The following FKTN variants were observed in gnomAD, a reference collection of about 807,000 sequenced individuals.
FKTN encodes ribitol-5-phosphate transferase FKTN.
Under a neutral mutation model 58.6 loss-of-function variants are expected in FKTN, and 47 were observed. The observed-to-expected ratio is 0.80, with a 90% CI of 0.63 to 1.02. The LOEUF is 1.02. Among genes scored for constraint, FKTN ranks in the 50% least tolerant of loss-of-function variants. FKTN has a pLI of 0.00. For missense variants in FKTN, 516 were observed against 537.3 expected (o/e 0.96, Z 0.39); for synonymous variants, 178 against 191.9 (o/e 0.93, Z 0.60).
intron 1 of FKTN, among the ~76,000 whole-genome samples, chr9:105,563,753 A>G (rs558673539): frequency 1.3e-5 from 2 of 152,336 alleles, no homozygotes; most frequent in South Asian, 4.1e-4. Flanking sequence ...AAAAGGCAGC[A>G]GAAACCTCTG....
chr9:105,633,402 C>A (rs773594520), intron 10 of FKTN: 1 of 152,250 alleles, frequency 6.6e-6, no homozygotes, highest in South Asian at 2.1e-4. Context: ...AGTTTCCTGG[C>A]CTGTATTACA....
At chr9:105,624,636 A>G (rs1465923582) in intron 10 of FKTN, among the ~76,000 whole-genome samples, 2 of 151,854 alleles carry the variant, frequency 1.3e-5, no homozygotes, top group African/African-American at 2.4e-5. Context: ...AAAAAAAAAA[A>G]AAAAAGAAAA....
chr9:105,596,511 T>C, intron 3 of FKTN, 87 bp from the exon 4 acceptor site: 1 of 831,198 alleles, frequency 1.2e-6, no homozygotes, highest in Non-Finnish European at 2.1e-6. Context: ...ATAAGCTAAT[T>C]ATATTTTGAA....
intron 9 of FKTN, among the ~76,000 whole-genome samples, chr9:105,618,915 C>T (rs1402903944): frequency 3.3e-5 from 5 of 151,700 alleles, no homozygotes; most frequent in South Asian, 2.1e-4. Flanking sequence ...AAAAATTAGC[C>T]GGGCGCGGTG....
At position 105,635,701 on chromosome 9, in the gene FKTN, T is replaced by C; in HGVS notation, c.*437T>C. The C allele has an allele frequency of 9.5e-7, 1 of 1,049,192 alleles. No individual in the cohort carries two copies. 65.0% of individuals were successfully genotyped at this position (1,049,192 alleles called of 1,614,324 possible). A position where few individuals can be genotyped will look rare whatever the true frequency, so the allele number is the denominator to read the frequency against. ...CCACTCCTCTTCTGGGCATTTAAGCTGGTATGTTAGTGCTACTTTTAAGAT... is the reference window on the plus strand; with the variant it reads ...CCACTCCTCTTCTGGGCATTTAAGCCGGTATGTTAGTGCTACTTTTAAGAT... On this transcript the variant is annotated 3_prime_UTR_variant, in exon 11 of 11. Transcript: ENST00000357998.
chr9:105,570,739 T>G lies in FKTN; in HGVS notation c.-180-2916T>G, dbSNP rs1840596419. On this transcript the variant is annotated intron_variant, in intron 1 of 10. Transcript: ENST00000357998. ...CCCATTAAGGTAGACAGTAACTGTT[T>G]ATTTGTTGCAGGAAGGTAAAACTAG... Among the ~76,000 whole-genome samples the G allele has an allele frequency of 2.6e-5, 4 of 152,296 alleles. No individual in the cohort carries two copies. The South Asian group carries it at 8.3e-4, about 32-fold the overall frequency.
intron 5 of FKTN, among the ~76,000 whole-genome samples, chr9:105,602,523 G>A (rs936496852): frequency 5.3e-5 from 8 of 152,168 alleles, no homozygotes; most frequent in African/African-American, 1.2e-4. Context: ...TTTATTCTTC[G>A]TTTGTTTTTG....
intron 1 of FKTN, among the ~76,000 whole-genome samples, chr9:105,572,086 G>C (rs1564205916): frequency 6.6e-6 from 1 of 152,106 alleles, no homozygotes. Context: ...CATCATCAAT[G>C]TTGATTGATA....
chr9:105,582,085 G>T lies in FKTN; in HGVS notation c.105+6948G>T, dbSNP rs527944716. 8.5e-3 allele frequency among the ~76,000 whole-genome samples: 1,296 copies of T among 152,256 alleles called. 12 individuals are homozygous for T. The highest frequency in any genetic ancestry group is 0.024 in the Middle Eastern group (7 of 294). ...ACTGTCTGGCACTCCCTAGTGAGAT[G>T]AACCCGGTACCTCAGATGGAAATGC... is the stretch of plus-strand genomic sequence containing the variant. On this transcript the variant is annotated intron_variant, in intron 3 of 10. Transcript: ENST00000357998.
At chr9:105,620,561 A>C (rs560830961) in intron 10 of FKTN, among the ~76,000 whole-genome samples, 1 of 152,218 alleles carries the variant, frequency 6.6e-6, no homozygotes, top group African/African-American at 2.4e-5. Context: ...TTGCTGTTGA[A>C]TCTCAGCTCT....
In FKTN at chr9:105,622,260, T is replaced by C. The variant is rs1832095576; in HGVS notation, c.1172+2199T>C. Among the ~76,000 whole-genome samples the C allele has an allele frequency of 2.6e-5, 4 of 152,004 alleles. No individual in the cohort carries two copies. In the South Asian group the frequency reaches 8.3e-4, roughly 31 times the overall value. On this transcript the variant is annotated intron_variant, in intron 10 of 10. Coordinates refer to ENST00000357998, the MANE Select transcript of FKTN (RefSeq NM_001079802.2). ...TTCTCCAAAGGTCTTTTTGTCTTTA[T>C]AATAACCTATTTTTTATTTTATATA... is the stretch of plus-strand genomic sequence containing the variant.
chr9:105,618,920 G>A (rs1018968366), intron 9 of FKTN, among the ~76,000 whole-genome samples: 4 of 152,090 alleles, frequency 2.6e-5, no homozygotes, highest in Non-Finnish European at 4.4e-5. Context: ...TTAGCCGGGC[G>A]CGGTGGCGGG....
intron 10 of FKTN, 123 bp downstream of exon 10, chr9:105,620,184 C>T (rs1831600807): frequency 1.3e-6 from 1 of 761,638 alleles, no homozygotes; most frequent in Admixed American, 2.2e-5. Flanking sequence ...TTAGCTAACA[C>T]TTTCTTAGCT....
chr9:105,598,937 AC>A (rs1827316335), intron 4 of FKTN, among the ~76,000 whole-genome samples: 1 of 151,710 alleles, frequency 6.6e-6, no homozygotes, highest in Non-Finnish European at 1.5e-5. Flanking sequence ...TAAAAGACAC[AC>A]ACACACACAC....
At chr9:105,628,582 TA>T (rs915090918) in intron 10 of FKTN, among the ~76,000 whole-genome samples, 1 of 152,132 alleles carries the variant, frequency 6.6e-6, no homozygotes, top group African/African-American at 2.4e-5. Flanking sequence ...CTAAGAGAAA[TA>T]AAAGCATATT....
rs528373226 is a variant in FKTN at position 105,634,354 on chromosome 9, G to A, written c.1173-697G>A. Reference sequence around the variant, plus strand: ...TCGTCATGTTGGCCGGGCTGGTCTCGAACTTCTGGCCTCAAGTGATCTACC... The same window carrying A: ...TCGTCATGTTGGCCGGGCTGGTCTCAAACTTCTGGCCTCAAGTGATCTACC... On this transcript the variant is annotated intron_variant, in intron 10 of 10. Transcript: ENST00000357998. Among the ~76,000 whole-genome samples the A allele has an allele frequency of 4.6e-5, 7 of 152,114 alleles. No individual in the cohort carries two copies. In the South Asian group the frequency reaches 8.3e-4, roughly 18 times the overall value.
intron 7 of FKTN, among the ~76,000 whole-genome samples, chr9:105,609,695 G>A (rs183535493): frequency 9.9e-5 from 15 of 152,170 alleles, no homozygotes; most frequent in Non-Finnish European, 2.1e-4. Flanking sequence ...TTTGTCCGGG[G>A]GTTCCTCATG....
chr9:105,606,709 T>TTCTC lies in FKTN; in HGVS notation c.648-1106_648-1103dup, dbSNP rs10685946. ...TATATATATATTATATATATATGTT[T>TTCTC]TCTCTCTATCTGGAATCATGTGAGA... is the stretch of plus-strand genomic sequence containing the variant. On this transcript the variant is annotated intron_variant, in intron 6 of 10. Transcript: ENST00000357998. Among the ~76,000 whole-genome samples, 106,460 of 147,736 alleles carry TTCTC rather than the reference T, an allele frequency of 0.72. 39,397 individuals are homozygous for TTCTC. Among genetic ancestry groups the TTCTC allele is most frequent in the African/African-American group, 0.88 (35,921 of 40,720 alleles).
intron 1 of FKTN, among the ~76,000 whole-genome samples, chr9:105,563,593 G>A (rs528151636): frequency 0.016 from 2,026 of 130,064 alleles, 49 homozygotes; most frequent in African/African-American, 0.056. Context: ...ACGTGGCAGC[G>A]AGGCTGGGGG....
Sources: gnomAD v4.1 joint callset for allele counts (sites outside exome capture counted in the v4.1 genomes callset) on GRCh38, gnomAD v4.1.1 for gene constraint, MANE v1.5 for transcripts, NCBI Gene and HGNC (gene_info 2026-07-23, HGNC 2026-07-21) for gene names.